The following ADCY8 variants were observed in gnomAD, a reference collection of about 807,000 sequenced individuals.
ADCY8 encodes the protein adenylate cyclase type 8.
In ADCY8, 51 loss-of-function variants were observed where a neutral mutation model predicts 119.7. That is an observed-to-expected ratio of 0.43 (90% CI 0.34 to 0.54). The LOEUF (loss-of-function observed/expected upper bound fraction) is 0.54. Ranked by LOEUF, ADCY8 falls within the 20% of genes least tolerant of loss-of-function variation. The pLI is 0.03. For synonymous variants in ADCY8, 665 were observed against 651.0 expected, an observed-to-expected ratio of 1.02 and a Z score of -0.33; for missense variants, 1,383 against 1,598.8, an observed-to-expected ratio of 0.87 and a Z score of 2.30.
rs747001489 is a variant in ADCY8, at chr8:130,849,655, C to T, written c.2359G>A (p.Val787Ile). 1.4e-5 allele frequency: 23 copies of T among 1,614,000 alleles called. No individual in the cohort carries two copies. The East Asian group carries it at 2.2e-4, about 16-fold the overall frequency. Residue 787 changes from valine to isoleucine, a missense_variant, in exon 10 of 18, where the codon GTC becomes ATC. Around this residue, in one of 2 missense-constraint regions of ADCY8, gnomAD observed 928 missense variants for 1,163.5 expected, o/e 0.80. Transcript: ENST00000286355. ...ATCAAAATGGATGCAAAGATGATGA[C>T]GTTCCGGGCCAAATAGGTCTCATTA... ...WINETYLARNVIIFASILINF... is the reference protein window; with the variant it reads ...WINETYLARNIIIFASILINF...
chr8:130,892,237 C>A (rs1050706270), intron 7 of ADCY8: 1 of 152,096 alleles, frequency 6.6e-6, no homozygotes, highest in Admixed American at 6.6e-5. Context: ...TCTGGTTTCC[C>A]AGTTATGAGT....
At chr8:130,872,948 A>G (rs1818419947) in intron 8 of ADCY8, among the ~76,000 whole-genome samples, 1 of 152,242 alleles carries the variant, frequency 6.6e-6, no homozygotes, top group African/African-American at 2.4e-5. Flanking sequence ...CTTGAAAGAC[A>G]TATTCAGAAA....
At chr8:130,856,840 C>T (rs73344558) in intron 9 of ADCY8, among the ~76,000 whole-genome samples, 9,086 of 150,212 alleles carry the variant, frequency 0.06, 573 homozygotes, top group African/African-American at 0.16. Context: ...TTTTTTTTGT[C>T]TTGAGATTTA....
At chr8:130,923,217 GAA>G (rs1442924369) in intron 5 of ADCY8, among the ~76,000 whole-genome samples, 3 of 151,360 alleles carry the variant, frequency 2.0e-5, no homozygotes, top group East Asian at 1.9e-4. Context: ...GAGAGAGAGA[GAA>G]AGAGAGAAAA....
chr8:130,836,818 C>T (rs1817003979), intron 11 of ADCY8, among the ~76,000 whole-genome samples: 1 of 152,150 alleles, frequency 6.6e-6, no homozygotes, highest in Non-Finnish European at 1.5e-5. Context: ...ACTGCAACCT[C>T]CTCCTCCCAG....
In ADCY8 at chr8:131,039,772, G is replaced by T. The variant is rs1235698883; in HGVS notation, c.562C>A (p.Leu188Met). Residue 188 changes from leucine (L) to methionine (M), a missense_variant, in exon 1 of 18, where the codon CTG (leucine) becomes ATG (methionine). Physicochemically the swap from Leu to Met is conservative, Grantham distance 15. Around this residue, in one of 2 missense-constraint regions of ADCY8, gnomAD observed 455 missense variants for 435.3 expected, o/e 1.05. Transcript: ENST00000286355. ...RRKSEVVMNV[L>M]DVLTKLTLLV... The stretch of plus-strand genomic sequence containing the variant: ...AGAGTGAGTTTGGTCAGCACGTCCA[G>T]CACGTTCATCACCACTTCCGATTTG... 3.1e-6 allele frequency: 5 copies of T among 1,614,180 alleles called. No homozygotes were observed. Among genetic ancestry groups the T allele is most frequent in the Non-Finnish European group, 3.4e-6 (4 of 1,180,024 alleles).
At chr8:130,910,202 C>T (rs1586562329) in intron 5 of ADCY8, among the ~76,000 whole-genome samples, 1 of 152,130 alleles carries the variant, frequency 6.6e-6, no homozygotes, top group East Asian at 1.9e-4. Context: ...TAGAAAGAGT[C>T]TCTGAACATC....
At chr8:130,911,494 A>G (rs1400017030) in intron 5 of ADCY8, among the ~76,000 whole-genome samples, 4 of 148,752 alleles carry the variant, frequency 2.7e-5, no homozygotes, top group African/African-American at 9.7e-5. Context: ...TTACATTACT[A>G]TATCACAAAC....
At chr8:130,924,523 C>G (rs1460577861) in intron 5 of ADCY8, among the ~76,000 whole-genome samples, 1 of 152,122 alleles carries the variant, frequency 6.6e-6, no homozygotes, top group African/African-American at 2.4e-5. Flanking sequence ...AGGGTGCCAC[C>G]ACTAGACCAC....
intron 14 of ADCY8, among the ~76,000 whole-genome samples, chr8:130,810,239 C>G (rs1443320643): frequency 6.6e-6 from 1 of 152,154 alleles, no homozygotes; most frequent in East Asian, 1.9e-4. Context: ...GCCTTTGCCT[C>G]TTACGGTAAC....
chr8:130,841,657 G>A (rs944166261), intron 11 of ADCY8, among the ~76,000 whole-genome samples: 4 of 152,152 alleles, frequency 2.6e-5, no homozygotes, highest in Non-Finnish European at 4.4e-5. Flanking sequence ...TAACTGACGA[G>A]GGAATTGAGC....
chr8:130,923,363 TA>T (rs1449032713), intron 5 of ADCY8, among the ~76,000 whole-genome samples: 5 of 152,250 alleles, frequency 3.3e-5, no homozygotes, highest in Non-Finnish European at 7.3e-5. Context: ...TTGCCTTCAG[TA>T]AAAACAATAT....
chr8:130,865,673 A>G (rs1322968186), intron 9 of ADCY8, among the ~76,000 whole-genome samples: 1 of 152,038 alleles, frequency 6.6e-6, no homozygotes, highest in Non-Finnish European at 1.5e-5. Context: ...TGGGTTGTTT[A>G]TTTATTTTTT....
At chr8:131,010,188 T>C (rs1823256975) in intron 1 of ADCY8, among the ~76,000 whole-genome samples, 1 of 152,218 alleles carries the variant, frequency 6.6e-6, no homozygotes, top group Admixed American at 6.5e-5. Context: ...ATGGACTTTC[T>C]TATTTTAGGA....
chr8:131,034,579 A>T (rs1432184021), intron 1 of ADCY8, among the ~76,000 whole-genome samples: 2 of 152,144 alleles, frequency 1.3e-5, no homozygotes, highest in Non-Finnish European at 2.9e-5. Flanking sequence ...CCTGTTTGAT[A>T]GGATGTTGAA....
rs189269478 is a variant in ADCY8 at position 130,823,985 on chromosome 8, A to G, written c.2676-2565T>C. 2.0e-5 allele frequency among the ~76,000 whole-genome samples: 3 copies of G among 152,310 alleles called. No homozygotes were observed. In the East Asian group the frequency reaches 5.8e-4, roughly 29 times the overall value. ...TTCTAGTTCATATTATGTGCACCACACATAATGTAATATCCCTTGAAGCCT... is the reference window on the plus strand; with the variant it reads ...TTCTAGTTCATATTATGTGCACCACGCATAATGTAATATCCCTTGAAGCCT... On this transcript the variant is annotated intron_variant, in intron 12 of 17. Coordinates refer to ENST00000286355, the MANE Select transcript of ADCY8 (RefSeq NM_001115.3).
chr8:130,968,561 T>C (rs1475786495), intron 2 of ADCY8, among the ~76,000 whole-genome samples: 1 of 152,206 alleles, frequency 6.6e-6, no homozygotes, highest in African/African-American at 2.4e-5. Flanking sequence ...GACTGCTTGA[T>C]AGATGGTGTG....
intron 11 of ADCY8, among the ~76,000 whole-genome samples, chr8:130,847,163 A>C (rs532045695): frequency 2.6e-5 from 4 of 152,046 alleles, no homozygotes; most frequent in Non-Finnish European, 5.9e-5. Flanking sequence ...GAAGAGAAAG[A>C]GGGAGAAAGA....
At chr8:131,033,611 T>C (rs1225016595) in intron 1 of ADCY8, among the ~76,000 whole-genome samples, 2 of 150,420 alleles carry the variant, frequency 1.3e-5, no homozygotes, top group African/African-American at 5.0e-5. Context: ...CACTACACAA[T>C]CATTTTACAA....
Sources: gnomAD v4.1 joint callset for allele counts (sites outside exome capture counted in the v4.1 genomes callset) on GRCh38, gnomAD v4.1.1 for gene constraint, gnomAD v4.1.1 regional missense constraint, MANE v1.5 for transcripts, NCBI Gene and HGNC (gene_info 2026-07-23, HGNC 2026-07-21) for gene names.